FAR2: variants seen among roughly 807,000 people sequenced by gnomAD.
The protein encoded by FAR2 is epididymis secretory protein Li 81.
In FAR2, 19 loss-of-function variants were observed where a neutral mutation model predicts 56.0. The ratio of observed to expected loss-of-function variants is 0.34; its 90% confidence interval spans 0.24 to 0.50. The LOEUF is 0.50. Ranked by LOEUF, FAR2 falls within the 20% of genes least tolerant of loss-of-function variation. The pLI is 0.98. For synonymous variants in FAR2, 219 were observed against 218.8 expected, an observed-to-expected ratio of 1.00 and a Z score of -0.01; for missense variants, 508 against 642.2, an observed-to-expected ratio of 0.79 and a Z score of 2.26.
At chr12:29,293,103 G>T in intron 2 of FAR2, 197 bp from the exon 3 acceptor site, 1 of 414,732 alleles carries the variant, frequency 2.4e-6, no homozygotes, top group Non-Finnish European at 4.3e-6. Flanking sequence ...CTGGGCTCAA[G>T]TGATCTCCCT....
At chr12:29,176,868 A>G (rs1180442431) in intron 1 of FAR2, among the ~76,000 whole-genome samples, 1 of 152,224 alleles carries the variant, frequency 6.6e-6, no homozygotes, top group African/African-American at 2.4e-5. Context: ...AGATAGATTA[A>G]CTGAATACTT....
chr12:29,284,284 T>C (rs10771511), intron 2 of FAR2, among the ~76,000 whole-genome samples: 76,524 of 152,078 alleles, frequency 0.5, 20,050 homozygotes, highest in African/African-American at 0.66. Flanking sequence ...AGTATATAGT[T>C]TGAGTACTTA....
At chr12:29,260,792 G>C (rs541622958) in intron 1 of FAR2, among the ~76,000 whole-genome samples, 2 of 152,202 alleles carry the variant, frequency 1.3e-5, no homozygotes, top group South Asian at 4.1e-4. Context: ...GACAGGCTCA[G>C]TTTGTTTGGG....
intron 10 of FAR2, 119 bp downstream of exon 10, chr12:29,322,043 T>C: frequency 8.1e-7 from 1 of 1,227,668 alleles, no homozygotes; most frequent in East Asian, 2.9e-5. Context: ...GATTTTGTTT[T>C]GCTTTGTTTT....
At chr12:29,237,241 C>T (rs1490721988) in intron 1 of FAR2, among the ~76,000 whole-genome samples, 1 of 152,112 alleles carries the variant, frequency 6.6e-6, no homozygotes, top group African/African-American at 2.4e-5. Context: ...TTGGAGGTAC[C>T]TAAGGCACTT....
Position 29,332,658 on chromosome 12 carries a change from T to G in FAR2, c.1316T>G (p.Leu439Trp), listed in dbSNP as rs781644589. 4 of 1,613,800 alleles carry G rather than the reference T, an allele frequency of 2.5e-6. No individual in the cohort carries two copies. In the Admixed American group the frequency reaches 6.7e-5, roughly 27 times the overall value. The change falls in exon 11 of 12, where the codon TTG (leucine) becomes TGG (tryptophan). Residue 439 changes from leucine (L) to tryptophan (W), a missense_variant. Leu to Trp is a moderately conservative substitution (Grantham distance 61). Coordinates refer to ENST00000536681, the MANE Select transcript of FAR2 (RefSeq NM_001271783.2). ...NWLEYIENYV[L>W]GVKKYLLKED... ...TTGGAATACATTGAAAATTATGTTT[T>G]GGGAGTTAAAAAATACTTATTGAAA...
At chr12:29,157,578 G>A (rs1183806426) in intron 1 of FAR2, among the ~76,000 whole-genome samples, 8 of 152,164 alleles carry the variant, frequency 5.3e-5, no homozygotes. Flanking sequence ...AGTAGCATCT[G>A]CTGATGAATA....
At position 29,311,277 on chromosome 12, in the gene FAR2, A is replaced by G. The variant is rs1374842456; in HGVS notation, c.887+131A>G. 6.1e-6 allele frequency: 4 copies of G among 655,018 alleles called. No homozygotes were observed. The East Asian group carries it at 7.5e-5, about 12-fold the overall frequency. The allele number at this position is 655,018 out of a possible 1,614,324, so 40.6% of individuals were successfully genotyped here. ...GTGAAAGTGCGTATTTCAATATTTT[A>G]TAGAGTTCCTAATATGCCATCATAT... On this transcript the variant is annotated intron_variant, in intron 7 of 11. Coordinates refer to ENST00000536681, the MANE Select transcript of FAR2 (RefSeq NM_001271783.2).
intron 1 of FAR2, among the ~76,000 whole-genome samples, chr12:29,244,800 CAAT>C (rs750464870): frequency 6.6e-6 from 1 of 152,160 alleles, no homozygotes; most frequent in Non-Finnish European, 1.5e-5. Flanking sequence ...GGCTATACAA[CAAT>C]GACTAAAGTC....
At chr12:29,262,199 T>C (rs1948431553) in intron 1 of FAR2, among the ~76,000 whole-genome samples, 1 of 148,932 alleles carries the variant, frequency 6.7e-6, no homozygotes, top group Admixed American at 6.8e-5. Flanking sequence ...TTAGTTTTCT[T>C]TTTGTGTGTT....
At chr12:29,292,627 C>T (rs1763456265) in intron 2 of FAR2, among the ~76,000 whole-genome samples, 1 of 152,110 alleles carries the variant, frequency 6.6e-6, no homozygotes, top group African/African-American at 2.4e-5. Flanking sequence ...CTCAAGTAGT[C>T]AGAGAAATCA....
intron 1 of FAR2, among the ~76,000 whole-genome samples, chr12:29,230,855 G>C (rs1466711890): frequency 6.6e-6 from 1 of 152,170 alleles, no homozygotes; most frequent in East Asian, 1.9e-4. Context: ...GGGTAGTTCA[G>C]GAGATTGTTT....
At position 29,307,635 on chromosome 12, in the gene FAR2, AT is replaced by A. The variant is rs1334278805; in HGVS notation, c.546-21del. 2.5e-6 allele frequency: 4 copies of A among 1,578,330 alleles called. No individual in the cohort carries two copies. In the South Asian group the frequency reaches 4.7e-5, roughly 18 times the overall value. On this transcript the variant is annotated intron_variant, in intron 4 of 11. Transcript: ENST00000536681. ...TTATTGTCTAACATATGTTACTAGA[AT>A]TCTCTTTACTCTACCTTTTAGGTGG...
chr12:29,210,457 A>G (rs1947531682), intron 1 of FAR2, among the ~76,000 whole-genome samples: 1 of 152,186 alleles, frequency 6.6e-6, no homozygotes, highest in Admixed American at 6.5e-5. Flanking sequence ...GAGCTATGCC[A>G]TAAGTGGCCA....
At chr12:29,324,075 C>T (rs1465899413) in intron 10 of FAR2, among the ~76,000 whole-genome samples, 1 of 152,138 alleles carries the variant, frequency 6.6e-6, no homozygotes, top group Non-Finnish European at 1.5e-5. Context: ...AGCTGAAAGC[C>T]AAGGCTCGAG....
chr12:29,217,293 A>C (rs902038642), intron 1 of FAR2, among the ~76,000 whole-genome samples: 2 of 152,200 alleles, frequency 1.3e-5, no homozygotes, highest in African/African-American at 2.4e-5. Context: ...ATCTGGCTTG[A>C]GACCTTTCTG....
intron 1 of FAR2, among the ~76,000 whole-genome samples, chr12:29,156,227 CTAAG>C (rs1490013626): frequency 3.9e-5 from 6 of 152,088 alleles, no homozygotes; most frequent in East Asian, 1.9e-4. Context: ...TTAAAAATAA[CTAAG>C]TAAATTTCAA....
intron 3 of FAR2, among the ~76,000 whole-genome samples, chr12:29,295,278 T>C (rs10843380): frequency 0.016 from 2,455 of 152,238 alleles, 64 homozygotes; most frequent in African/African-American, 0.05. Flanking sequence ...TTCACAATCA[T>C]GGCCAGGCTG....
chr12:29,293,459 T>C lies in FAR2; in HGVS notation c.349T>C (p.Phe117Leu), dbSNP rs145677018. The C allele has an allele frequency of 1.3e-6, 2 of 1,576,938 alleles. No individual in the cohort carries two copies. The highest frequency in any genetic ancestry group is 2.7e-5 in the African/African-American group (2 of 73,118). ...IIFHCAATVR[F>L]DDTLRHAVQL... ...ATTTCACTGTGCAGCCACTGTACGC[T>C]TTGACGACACTCTCAGGTACATTCC... Residue 117 changes from phenylalanine to leucine, a missense_variant, in exon 3 of 12, where the codon TTT becomes CTT. Phe to Leu is a conservative substitution (Grantham distance 22). Coordinates refer to ENST00000536681, the MANE Select transcript of FAR2 (RefSeq NM_001271783.2).
Sources: gnomAD v4.1 joint callset for allele counts (sites outside exome capture counted in the v4.1 genomes callset) on GRCh38, gnomAD v4.1.1 for gene constraint, MANE v1.5 for transcripts, NCBI Gene and HGNC (gene_info 2026-07-23, HGNC 2026-07-21) for gene names.